The following NAGPA variants were observed in gnomAD, a reference collection of about 807,000 sequenced individuals.
NAGPA encodes the protein N-acetylglucosamine-1-phosphodiester alpha-N-acetylglucosaminidase.
NAGPA carries 56 observed loss-of-function variants against 48.5 expected under a neutral mutation model. That is an observed-to-expected ratio of 1.15 (90% confidence interval 0.93 to 1.44). The LOEUF (loss-of-function observed/expected upper bound fraction) is 1.44. Among genes scored for constraint, NAGPA ranks in the 40% most tolerant of loss-of-function variants. The pLI is 0.00. For synonymous variants in NAGPA, 399 were observed against 315.5 expected (o/e 1.26, Z -2.81); for missense variants, 888 against 735.0 (o/e 1.21, Z -2.41).
Position 5,032,985 on chromosome 16 carries a change from A to G in NAGPA, c.542+288T>C, listed in dbSNP as rs145191711. 476 of 542,166 alleles carry G rather than the reference A, an allele frequency of 8.8e-4. 3 individuals carry two copies. The East Asian group carries it at 0.014, about 16-fold the overall frequency. The allele number at this position is 542,166 out of a possible 1,614,324, so 33.6% of individuals were successfully genotyped here. A position where few individuals can be genotyped will look rare whatever the true frequency, so the allele number is the denominator to read the frequency against. ...ACAGCAATCAGAATGTATGTTAGCTATTTACCCGGCTTTTGTTGATTTTTC... is the reference window on the plus strand; with the variant it reads ...ACAGCAATCAGAATGTATGTTAGCTGTTTACCCGGCTTTTGTTGATTTTTC... On this transcript the variant is annotated intron_variant, in intron 2 of 9. Coordinates refer to ENST00000312251, the MANE Select transcript of NAGPA (RefSeq NM_016256.4).
rs1351557069 is a variant in NAGPA at position 5,025,466 on chromosome 16, C to A, written c.*12G>T. 1 of 1,611,392 alleles carries A rather than the reference C, an allele frequency of 6.2e-7. No homozygotes were observed. Among genetic ancestry groups the A allele is most frequent in the African/African-American group, 1.3e-5 (1 of 74,966 alleles). On this transcript the variant is annotated 3_prime_UTR_variant, in exon 10 of 10. Coordinates refer to ENST00000312251, the MANE Select transcript of NAGPA (RefSeq NM_016256.4). ...AGCTTTCGCGACGTGCCACCCCGGG[C>A]AGCTTGAGGCTTCAGTCCTTGAAGG...
intron 4 of NAGPA, 147 bp from the exon 5 acceptor site, chr16:5,029,155 C>T: frequency 1.5e-6 from 2 of 1,359,330 alleles, no homozygotes; most frequent in South Asian, 1.2e-5. Flanking sequence ...TCATCCTAGC[C>T]CCCGGAAGCT....
intron 5 of NAGPA, chr16:5,028,464 G>T: frequency 2.9e-6 from 2 of 688,416 alleles, no homozygotes; most frequent in Non-Finnish European, 5.1e-6. Flanking sequence ...TAAACTCCTG[G>T]GCCCAAGCGA....
chr16:5,027,501 G>GT, intron 7 of NAGPA, 122 bp from the exon 8 acceptor site: 1 of 1,062,124 alleles, frequency 9.4e-7, no homozygotes, highest in Non-Finnish European at 1.4e-6. Flanking sequence ...CGGGCTAAAG[G>GT]TGAAGCACCC....
chr16:5,029,074 C>G, intron 4 of NAGPA, 66 bp from the exon 5 acceptor site: 1 of 1,602,108 alleles, frequency 6.2e-7, no homozygotes, highest in Non-Finnish European at 8.5e-7. Context: ...ACTCCTTTTC[C>G]TTCCACAGTG....
At position 5,029,855 on chromosome 16, in the gene NAGPA, T is replaced by G. The variant is rs143192767; in HGVS notation, c.791+530A>C. 3.4e-4 allele frequency: 57 copies of G among 168,048 alleles called. No homozygotes were observed. The Middle Eastern group carries it at 9.0e-3, about 26-fold the overall frequency. The allele number at this position is 168,048 out of a possible 1,614,324, so 10.4% of individuals were successfully genotyped here. A position where few individuals can be genotyped will look rare whatever the true frequency, so the allele number is the denominator to read the frequency against. On this transcript the variant is annotated intron_variant, in intron 4 of 9. Transcript: ENST00000312251. ...GGGAGGATCACCTGAACCTGAGAGG[T>G]AGAGGTTGCAGTGAGCTGAGATTGC... is the stretch of plus-strand genomic sequence containing the variant.
rs1330029452 is a variant in NAGPA, at chr16:5,024,922, G to A, written c.*556C>T. The A allele has an allele frequency of 2.5e-5, 4 of 157,004 alleles. No individual in the cohort carries two copies. The highest frequency in any genetic ancestry group is 6.1e-5 in the Admixed American group (1 of 16,464). 9.7% of individuals were successfully genotyped at this position (157,004 alleles called of 1,614,324 possible). A position where few individuals can be genotyped will look rare whatever the true frequency, so the allele number is the denominator to read the frequency against. On this transcript the variant is annotated 3_prime_UTR_variant, in exon 10 of 10. Coordinates refer to ENST00000312251, the MANE Select transcript of NAGPA (RefSeq NM_016256.4). ...GTGATTAAAAAACTTCTTGGCAGCA[G>A]GATGACAAAACAGGTCTGTAAACAT...
Position 5,028,048 on chromosome 16 carries a change from C to A in NAGPA, c.1058G>T (p.Arg353Leu). The A allele has an allele frequency of 6.2e-7, 1 of 1,613,908 alleles. No individual in the cohort carries two copies. The highest frequency in any genetic ancestry group is 8.5e-7 in the Non-Finnish European group (1 of 1,179,944). ...GTCCAGCTCATCACAGCCGGGACCCCGCCAGAAGTGCCCGGTGCATTGGCA... is the reference window on the plus strand; with the variant it reads ...GTCCAGCTCATCACAGCCGGGACCCAGCCAGAAGTGCCCGGTGCATTGGCA... ...GHCQCTGHFW[R>L]GPGCDELDCG... The change falls in exon 6 of 10, where the codon CGG (arginine) becomes CTG (leucine). Residue 353 changes from arginine to leucine, a missense_variant. Coordinates refer to ENST00000312251, the MANE Select transcript of NAGPA (RefSeq NM_016256.4).
chr16:5,033,142 T>C lies in NAGPA; in HGVS notation c.542+131A>G. Reference sequence around the variant, plus strand: ...ATGAATAAACTCTGCAAGGAAGCGATTCCTATCCCCATTCTGCAGAGGAGG... The same window carrying C: ...ATGAATAAACTCTGCAAGGAAGCGACTCCTATCCCCATTCTGCAGAGGAGG... On this transcript the variant is annotated intron_variant, in intron 2 of 9. Coordinates refer to ENST00000312251, the MANE Select transcript of NAGPA (RefSeq NM_016256.4). The surrounding 1 kb of genome is among the most constrained non-coding windows in gnomAD (Gnocchi z 4.2). 1 of 1,089,964 alleles carries C rather than the reference T, an allele frequency of 9.2e-7. No homozygotes were observed. The highest frequency in any genetic ancestry group is 1.3e-6 in the Non-Finnish European group (1 of 749,864). The allele number at this position is 1,089,964 out of a possible 1,614,324, so 67.5% of individuals were successfully genotyped here.
At position 5,031,791 on chromosome 16, in the gene NAGPA, G is replaced by A. The variant is rs1440514855; in HGVS notation, c.636C>T (p.Tyr212=). 2.5e-6 allele frequency: 4 copies of A among 1,614,068 alleles called. No individual in the cohort carries two copies. The African/African-American group carries it at 5.3e-5, about 22-fold the overall frequency. The part of the protein sequence containing the change: ...VVWLIRNGSI[Y]INESQATECD... ...ACTCTGTGGCTTGGCTCTCGTTGAT[G>A]TAGATGCTTCCATTACGAATCAGCC... Residue 212 remains tyrosine, a synonymous_variant, in exon 3 of 10, where the codon TAC becomes TAT. Transcript: ENST00000312251.
rs746993810 is a variant in NAGPA at position 5,029,009 on chromosome 16, C to G, written c.792-1G>C. On this transcript the variant is annotated splice_acceptor_variant, in intron 4 of 9. Coordinates refer to ENST00000312251, the MANE Select transcript of NAGPA (RefSeq NM_016256.4). LOFTEE classifies it high-confidence loss of function. ...CTCCGCCATTTCCCACAGGTTGATGCTGCGGCACAAAGCGGCGCTGCTCAG... is the reference window on the plus strand; with the variant it reads ...CTCCGCCATTTCCCACAGGTTGATGGTGCGGCACAAAGCGGCGCTGCTCAG... 1.2e-6 allele frequency: 2 copies of G among 1,612,996 alleles called. No individual in the cohort carries two copies. Among genetic ancestry groups the G allele is most frequent in the East Asian group, 4.5e-5 (2 of 44,892 alleles).
chr16:5,033,193 G>A lies in NAGPA; in HGVS notation c.542+80C>T. ...AAACAGGGGCTCAGCTTGGTTAAGT[G>A]ACTTGAACACGGAGGCACGGCTACA... On this transcript the variant is annotated intron_variant, in intron 2 of 9. Transcript: ENST00000312251. The surrounding 1 kb of genome is among the most constrained non-coding windows in gnomAD (Gnocchi z 4.2). 1 of 1,489,694 alleles carries A rather than the reference G, an allele frequency of 6.7e-7. No individual in the cohort carries two copies. The highest frequency in any genetic ancestry group is 9.0e-7 in the Non-Finnish European group (1 of 1,105,648). 92.3% of individuals were successfully genotyped at this position (1,489,694 alleles called of 1,614,324 possible).
In NAGPA at chr16:5,028,025, C is replaced by G; in HGVS notation, c.1081G>C (p.Asp361His). 6.2e-7 allele frequency: 1 copy of G among 1,613,704 alleles called. No homozygotes were observed. The highest frequency in any genetic ancestry group is 1.1e-5 in the South Asian group (1 of 91,080). ...TGGCTGCAGTTAGAGGGGCCACAGT[C>G]CAGCTCATCACAGCCGGGACCCCGC... ...FWRGPGCDEL[D>H]CGPSNCSQHG... The change falls in exon 6 of 10, where the codon GAC (aspartate) becomes CAC (histidine). Residue 361 changes from aspartate (D) to histidine (H), a missense_variant. Transcript: ENST00000312251.
At chr16:5,027,792 G>A in intron 7 of NAGPA, 54 bp downstream of exon 7, 1 of 1,548,706 alleles carries the variant, frequency 6.5e-7, no homozygotes, top group Non-Finnish European at 8.7e-7. Flanking sequence ...AGGAGCAGTG[G>A]GGGCTGCCGG....
rs1955978455 is a variant in NAGPA at position 5,025,441 on chromosome 16, A to G, written c.*37T>C. On this transcript the variant is annotated 3_prime_UTR_variant, in exon 10 of 10. Coordinates refer to ENST00000312251, the MANE Select transcript of NAGPA (RefSeq NM_016256.4). The stretch of plus-strand genomic sequence containing the variant: ...GCAGAAGCCAGACCGTGGGGAAACA[A>G]GCTTTCGCGACGTGCCACCCCGGGC... 6.2e-7 allele frequency: 1 copy of G among 1,607,644 alleles called. No homozygotes were observed. The highest frequency in any genetic ancestry group is 1.1e-5 in the South Asian group (1 of 90,952).
rs2142554007 is a variant in NAGPA at position 5,025,610 on chromosome 16, G to C, written c.1416C>G (p.Leu472=). 6.2e-7 allele frequency: 1 copy of C among 1,613,960 alleles called. No individual in the cohort carries two copies. The highest frequency in any genetic ancestry group is 8.5e-7 in the Non-Finnish European group (1 of 1,180,024). Residue 472 remains leucine (L), a synonymous_variant, in exon 10 of 10, where the codon CTC becomes CTG. Coordinates refer to ENST00000312251, the MANE Select transcript of NAGPA (RefSeq NM_016256.4). ...GCCGGTTCCTCTCTGCTCTGGACAGGAGCAAGGACAGGTTTGCTGCAGTGC... is the reference window on the plus strand; with the variant it reads ...GCCGGTTCCTCTCTGCTCTGGACAGCAGCAAGGACAGGTTTGCTGCAGTGC... The part of the protein sequence containing the change: ...LISTAANLSL[L]LSRAERNRRL...
Position 5,033,901 on chromosome 16 carries a change from G to A in NAGPA, c.14C>T (p.Thr5Met), listed in dbSNP as rs1225518688. 7.7e-6 allele frequency: 12 copies of A among 1,549,036 alleles called. No homozygotes were observed. The highest frequency in any genetic ancestry group is 4.1e-5 in the African/African-American group (3 of 72,980). MATSTGRWLLLRLAL... is the reference protein window; with the variant it reads MATSMGRWLLLRLAL... ...AAGCCGGAGGAGAAGCCAGCGACCC[G>A]TGGAGGTCGCCATATTGGACCGGGG... The change falls in exon 1 of 10, where the codon ACG (threonine) becomes ATG (methionine). Residue 5 changes from threonine to methionine, a missense_variant. Physicochemically the swap from Thr to Met is moderately conservative, Grantham distance 81 (BLOSUM62 -1). Transcript: ENST00000312251. This position sits in a 1 kb window ranked among gnomAD's most constrained non-coding sequence, Gnocchi z 4.2.
intron 7 of NAGPA, 30 bp from the exon 8 acceptor site, chr16:5,027,409 G>A (rs750747237): frequency 1.2e-6 from 2 of 1,608,432 alleles, no homozygotes; most frequent in African/African-American, 2.7e-5. Context: ...GGAGGGAGGA[G>A]GGAGGAGAAA....
chr16:5,029,291 C>G (rs1049057818), intron 4 of NAGPA: 19 of 462,422 alleles, frequency 4.1e-5, no homozygotes, highest in Admixed American at 1.4e-4. Flanking sequence ...ACACAGAGAG[C>G]CTTCTCTGGC....
Sources: allele counts gnomAD v4.1 joint callset, GRCh38; gene constraint gnomAD v4.1.1; non-coding constraint Gnocchi (gnomAD v3.1); transcripts MANE v1.5; gene names NCBI Gene and HGNC (gene_info 2026-07-23, HGNC 2026-07-21).